Variants in TMEM72 observed in about 807,000 individuals in gnomAD.
TMEM72 encodes transmembrane protein 72, also known as kidney-specific secretory protein of 37 kDa.
TMEM72 carries 9 observed loss-of-function variants against 16.3 expected under a neutral mutation model. The observed-to-expected ratio is 0.55, with a 90% CI of 0.33 to 0.96. The LOEUF is 0.96. TMEM72 is among the 40% of genes least tolerant of loss of function. The pLI is 0.03. For synonymous variants in TMEM72, 160 were observed against 146.5 expected (o/e 1.09, Z -0.66); for missense variants, 324 against 337.8 (o/e 0.96, Z 0.32).
At chr10:44,925,737 T>C (rs1840176435) in intron 1 of TMEM72, among the ~76,000 whole-genome samples, 1 of 152,238 alleles carries the variant, frequency 6.6e-6, no homozygotes, top group Admixed American at 6.5e-5. Context: ...TTACATTCTG[T>C]GTGCCTCAGT....
intron 1 of TMEM72, among the ~76,000 whole-genome samples, chr10:44,922,425 C>G (rs909350881): frequency 6.6e-6 from 1 of 152,206 alleles, no homozygotes; most frequent in African/African-American, 2.4e-5. Flanking sequence ...AAACTCCAGG[C>G]CCTGTGTGAA....
intron 1 of TMEM72, among the ~76,000 whole-genome samples, chr10:44,925,941 A>G (rs1840180202): frequency 6.6e-6 from 1 of 152,010 alleles, no homozygotes; most frequent in South Asian, 2.1e-4. Context: ...ACATACACAC[A>G]CACTTACACA....
rs536451639 is a variant in TMEM72, at chr10:44,916,494, C to T, written c.70+4912C>T. 6.6e-5 allele frequency among the ~76,000 whole-genome samples: 10 copies of T among 152,224 alleles called. No homozygotes were observed. The South Asian group carries it at 1.7e-3, about 25-fold the overall frequency. Reference sequence around the variant, plus strand: ...AGCAAATGCATAGTTTGACCTTAGCCCTGTTCAAAGCCTTCAGGAAAACAA... The same window carrying T: ...AGCAAATGCATAGTTTGACCTTAGCTCTGTTCAAAGCCTTCAGGAAAACAA... On this transcript the variant is annotated intron_variant, in intron 1 of 4. Transcript: ENST00000389583.
intron 1 of TMEM72, among the ~76,000 whole-genome samples, chr10:44,913,859 G>A (rs1839974602): frequency 6.6e-6 from 1 of 152,212 alleles, no homozygotes; most frequent in African/African-American, 2.4e-5. Context: ...CTGCTAGAGA[G>A]GAAATAAGAC....
At chr10:44,917,296 T>C (rs1589039197) in intron 1 of TMEM72, among the ~76,000 whole-genome samples, 1 of 152,270 alleles carries the variant, frequency 6.6e-6, no homozygotes, top group East Asian at 1.9e-4. Context: ...GGGCTAATTT[T>C]AGAGGAACGT....
At chr10:44,926,499 G>C (rs958044053) in intron 1 of TMEM72, among the ~76,000 whole-genome samples, 1 of 152,182 alleles carries the variant, frequency 6.6e-6, no homozygotes, top group African/African-American at 2.4e-5. Context: ...TGTAAGTTTT[G>C]ACTCTTCAGT....
rs1470471746 is a variant in TMEM72 at position 44,935,035 on chromosome 10, C to A, written c.729C>A (p.Asp243Glu). The change falls in exon 5 of 5, where the codon GAC becomes GAA. Residue 243 changes from aspartate (D) to glutamate (E), a missense_variant. By Grantham distance (45) the Asp-to-Glu change is conservative. Transcript: ENST00000389583. ...TCGCCGAAGGTCTGGATGATGGGGA[C>A]AGTGAGCCAGAGGAGACCACCTCTG... ...PSLAEGLDDG[D>E]SEPEETTSDT... is the part of the protein sequence containing the mutation. 1 of 1,613,914 alleles carries A rather than the reference C, an allele frequency of 6.2e-7. No homozygotes were observed. The highest frequency in any genetic ancestry group is 1.1e-5 in the South Asian group (1 of 91,062).
chr10:44,928,279 C>T (rs11239281), intron 2 of TMEM72, among the ~76,000 whole-genome samples: 106,394 of 151,358 alleles, frequency 0.7, 38,324 homozygotes, highest in Middle Eastern at 0.8. Flanking sequence ...TCCATCCACT[C>T]ACCCACCAAT....
intron 1 of TMEM72, among the ~76,000 whole-genome samples, chr10:44,927,643 AG>A (rs1395174016): frequency 1.3e-5 from 2 of 152,228 alleles, no homozygotes; most frequent in African/African-American, 4.8e-5. Context: ...GTGCCACATT[AG>A]TGTGGGCAGT....
chr10:44,914,500 G>A (rs1415603640), intron 1 of TMEM72, among the ~76,000 whole-genome samples: 1 of 152,212 alleles, frequency 6.6e-6, no homozygotes, highest in Non-Finnish European at 1.5e-5. Flanking sequence ...CTGAGACGCG[G>A]CATCCATTGC....
chr10:44,918,259 C>T (rs1484954901), intron 1 of TMEM72, among the ~76,000 whole-genome samples: 1 of 152,112 alleles, frequency 6.6e-6, no homozygotes, highest in Non-Finnish European at 1.5e-5. Context: ...CCAAACCATA[C>T]CAGGGTACTT....
Position 44,935,938 on chromosome 10 carries a change from G to A in TMEM72, c.*804G>A, listed in dbSNP as rs1408201022. The A allele has an allele frequency of 6.6e-6, 1 of 152,272 alleles. No homozygotes were observed. The highest frequency in any genetic ancestry group is 1.5e-5 in the Non-Finnish European group (1 of 68,076). The allele number at this position is 152,272 out of a possible 1,614,324, so 9.4% of individuals were successfully genotyped here. A position where few individuals can be genotyped will look rare whatever the true frequency, so the allele number is the denominator to read the frequency against. On this transcript the variant is annotated 3_prime_UTR_variant, in exon 5 of 5. Coordinates refer to ENST00000389583, the MANE Select transcript of TMEM72 (RefSeq NM_001123376.3). The stretch of plus-strand genomic sequence containing the variant: ...GGCAGGACCACAGAGGCTGCCCAGG[G>A]GTGGCACAGCACAGAGAAGTGTCAG...
At chr10:44,924,488 G>A (rs1033157723) in intron 1 of TMEM72, among the ~76,000 whole-genome samples, 9 of 151,980 alleles carry the variant, frequency 5.9e-5, no homozygotes, top group African/African-American at 2.2e-4. Flanking sequence ...GGTAACCACA[G>A]AAGACCAGGT....
Position 44,911,527 on chromosome 10 carries a change from G to A in TMEM72, c.15G>A (p.Val5=), listed in dbSNP as rs1170143876. Reference sequence around the variant, plus strand: ...CCCCTGGCACCATGCAGCTCCAGGTGTTCTGGACTGGGCTGGAATACACCT... The same window carrying A: ...CCCCTGGCACCATGCAGCTCCAGGTATTCTGGACTGGGCTGGAATACACCT... MQLQ[V]FWTGLEYTCR... is the part of the protein sequence containing the mutation. The change falls in exon 1 of 5, where the codon GTG becomes GTA. Residue 5 remains valine (V), a synonymous_variant. Transcript: ENST00000389583. 6.4e-7 allele frequency: 1 copy of A among 1,551,224 alleles called. No individual in the cohort carries two copies. The highest frequency in any genetic ancestry group is 1.2e-5 in the South Asian group (1 of 84,104).
At chr10:44,920,397 G>A (rs1589040906) in intron 1 of TMEM72, among the ~76,000 whole-genome samples, 1 of 152,234 alleles carries the variant, frequency 6.6e-6, no homozygotes, top group Non-Finnish European at 1.5e-5. Flanking sequence ...CCCCTCAGTA[G>A]GCAGCCCCGC....
At position 44,913,717 on chromosome 10, in the gene TMEM72, A is replaced by T. The variant is rs140380883; in HGVS notation, c.70+2135A>T. On this transcript the variant is annotated intron_variant, in intron 1 of 4. Transcript: ENST00000389583. ...GTTTGGTGTTCTTGGGCAAATCTCG[A>T]GTTTCTTCCAGCATCACTGAACTCC... 3.5e-3 allele frequency among the ~76,000 whole-genome samples: 527 copies of T among 152,292 alleles called. 4 individuals carry two copies. Among genetic ancestry groups the T allele is most frequent in the African/African-American group, 0.012 (509 of 41,558 alleles).
At chr10:44,912,269 G>A (rs1839948593) in intron 1 of TMEM72, among the ~76,000 whole-genome samples, 1 of 152,202 alleles carries the variant, frequency 6.6e-6, no homozygotes, top group African/African-American at 2.4e-5. Flanking sequence ...CAGGAGGGCA[G>A]ACTGTTAGAG....
At position 44,911,396 on chromosome 10, in the gene TMEM72, C is replaced by A; in HGVS notation, c.-117C>A. 3 of 1,090,210 alleles carry A rather than the reference C, an allele frequency of 2.8e-6. No individual in the cohort carries two copies. The highest frequency in any genetic ancestry group is 3.0e-5 in the South Asian group (2 of 66,168). The allele number at this position is 1,090,210 out of a possible 1,614,324, so 67.5% of individuals were successfully genotyped here. On this transcript the variant is annotated 5_prime_UTR_variant, in exon 1 of 5. Transcript: ENST00000389583. ...CCAGGACTGGTTTGGGAAGGCAGGGCCCCGGTGTGCAGCCACAGCCAGCAG... is the reference window on the plus strand; with the variant it reads ...CCAGGACTGGTTTGGGAAGGCAGGGACCCGGTGTGCAGCCACAGCCAGCAG...
In TMEM72 at chr10:44,936,200, C is replaced by T. The variant is rs897726030; in HGVS notation, c.*1066C>T. ...AGGATTTGCAATATAGGCTTTACTT[C>T]TAAAAATTGTTGTCGGGTCCATGAG... On this transcript the variant is annotated 3_prime_UTR_variant, in exon 5 of 5. Coordinates refer to ENST00000389583, the MANE Select transcript of TMEM72 (RefSeq NM_001123376.3). 6.6e-6 allele frequency: 1 copy of T among 152,192 alleles called. No homozygotes were observed. Among genetic ancestry groups the T allele is most frequent in the Non-Finnish European group, 1.5e-5 (1 of 68,046 alleles). The allele number at this position is 152,192 out of a possible 1,614,324, so 9.4% of individuals were successfully genotyped here.
Sources: allele counts gnomAD v4.1 joint callset (sites outside exome capture counted in the v4.1 genomes callset), GRCh38; gene constraint gnomAD v4.1.1; transcripts MANE v1.5; gene names NCBI Gene and HGNC (gene_info 2026-07-23, HGNC 2026-07-21).